Variants in NUP210 observed in about 807,000 individuals in gnomAD.
NUP210 encodes nuclear pore membrane glycoprotein 210.
Under a neutral mutation model 196.0 loss-of-function variants are expected in NUP210, and 151 were observed. That is an observed-to-expected ratio of 0.77 (90% CI 0.67 to 0.88). The LOEUF (loss-of-function observed/expected upper bound fraction) is 0.88, where lower values mean the gene tolerates loss of function less well. NUP210 is among the 40% of genes least tolerant of loss of function. The pLI, the probability that NUP210 is intolerant of heterozygous loss-of-function variation, is 0.00. For missense variants in NUP210, 2,314 were observed against 2,493.7 expected, an observed-to-expected ratio of 0.93 and a Z score of 1.53; for synonymous variants, 1,070 against 1,052.7, an observed-to-expected ratio of 1.02 and a Z score of -0.32.
chr3:13,350,275 CGT>C lies in NUP210; in HGVS notation c.2835+1602_2835+1603del, dbSNP rs529507681. Among the ~76,000 whole-genome samples, 221 of 151,770 alleles carry C rather than the reference CGT, an allele frequency of 1.5e-3. No homozygotes were observed. Among genetic ancestry groups the C allele is most frequent in the Non-Finnish European group, 2.4e-3 (165 of 67,962 alleles). On this transcript the variant is annotated intron_variant, in intron 20 of 39. Transcript: ENST00000254508. This position sits in a 1 kb window ranked among gnomAD's most constrained non-coding sequence, Gnocchi z 4.1. ...GCCTGTGTGTTTGTGTGTGTGTGCG[CGT>C]GTGTTTTTGTGTCTTCAGCAAAATA...
chr3:13,408,471 A>T (rs1700065301), intron 1 of NUP210, among the ~76,000 whole-genome samples: 2 of 152,200 alleles, frequency 1.3e-5, no homozygotes, highest in Admixed American at 6.5e-5. Flanking sequence ...AGACAAGGCC[A>T]TCTGGGCTTA....
chr3:13,322,302 G>A lies in NUP210; in HGVS notation c.4806C>T (p.Ala1602=). The change falls in exon 35 of 40, where the codon GCC becomes GCT. Residue 1602 remains alanine (A), a synonymous_variant. Coordinates refer to ENST00000254508, the MANE Select transcript of NUP210 (RefSeq NM_024923.4). ...AGCTGATGAGGGTCTCTGGGTGCAA[G>A]GCCTGGATGACTTCCCTCTGGGTGG... ...CTPTQREVIQ[A]LHPETLISCQ... is the part of the protein sequence containing the mutation. 1 of 1,614,252 alleles carries A rather than the reference G, an allele frequency of 6.2e-7. No individual in the cohort carries two copies. The highest frequency in any genetic ancestry group is 8.5e-7 in the Non-Finnish European group (1 of 1,180,038).
Position 13,347,354 on chromosome 3 carries a change from G to A in NUP210, c.2836-4051C>T. On this transcript the variant is annotated intron_variant, in intron 20 of 39. Transcript: ENST00000254508. This position sits in a 1 kb window ranked among gnomAD's most constrained non-coding sequence, Gnocchi z 4.7. ...TTCCCCTGCTCTGGTCATCTCATGG[G>A]TTCCGCCTAGAGGACTTGATTGAAA... is the stretch of plus-strand genomic sequence containing the variant. 1 of 984,434 alleles carries A rather than the reference G, an allele frequency of 1.0e-6. No homozygotes were observed. Among genetic ancestry groups the A allele is most frequent in the South Asian group, 4.7e-5 (1 of 21,268 alleles). 61.0% of individuals were successfully genotyped at this position (984,434 alleles called of 1,614,324 possible). A position where few individuals can be genotyped will look rare whatever the true frequency, so the allele number is the denominator to read the frequency against.
At chr3:13,369,230 G>T (rs1698643864) in intron 13 of NUP210, among the ~76,000 whole-genome samples, 1 of 152,078 alleles carries the variant, frequency 6.6e-6, no homozygotes, top group Non-Finnish European at 1.5e-5. Flanking sequence ...TATCAGCTTT[G>T]GACAAATATC....
intron 1 of NUP210, among the ~76,000 whole-genome samples, chr3:13,401,739 A>G (rs914552590): frequency 1.6e-4 from 25 of 152,158 alleles, no homozygotes; most frequent in African/African-American, 6.0e-4. Context: ...ACAAGCACAC[A>G]CAAGAGTGTG....
chr3:13,383,440 G>A (rs1294197465), intron 6 of NUP210, among the ~76,000 whole-genome samples: 5 of 151,606 alleles, frequency 3.3e-5, no homozygotes, highest in African/African-American at 1.2e-4. Flanking sequence ...CAGTGACCAA[G>A]CTCGTAAGTT....
rs1406095765 is a variant in NUP210, at chr3:13,350,430, G to T, written c.2835+1449C>A. 6.8e-6 allele frequency among the ~76,000 whole-genome samples: 1 copy of T among 146,708 alleles called. No homozygotes were observed. Among genetic ancestry groups the T allele is most frequent in the African/African-American group, 2.6e-5 (1 of 38,696 alleles). On this transcript the variant is annotated intron_variant, in intron 20 of 39. Coordinates refer to ENST00000254508, the MANE Select transcript of NUP210 (RefSeq NM_024923.4). The surrounding 1 kb of genome is among the most constrained non-coding windows in gnomAD (Gnocchi z 4.1). ...AATGTCCAGTTTCCAACAATTATAGGACATGAAAAAACAAAACAAAACAAA... is the reference window on the plus strand; with the variant it reads ...AATGTCCAGTTTCCAACAATTATAGTACATGAAAAAACAAAACAAAACAAA...
chr3:13,377,704 CCACCTGCAGGCCCCACACCACT>C, intron 8 of NUP210, 142 bp from the exon 9 acceptor site: 1 of 581,502 alleles, frequency 1.7e-6, no homozygotes, highest in South Asian at 2.0e-5. Flanking sequence ...CCCACACCAC[CCACCTGCAGGCCCCACACCACT>C]TACCTGGAGG....
At chr3:13,419,955 C>T in intron 1 of NUP210, 105 bp downstream of exon 1, 1 of 725,330 alleles carries the variant, frequency 1.4e-6, no homozygotes, top group Non-Finnish European at 1.7e-6. Flanking sequence ...CGAGAGCGCG[C>T]CGCGCACCTG....
chr3:13,409,312 G>A (rs773696714), intron 1 of NUP210, among the ~76,000 whole-genome samples: 4 of 152,206 alleles, frequency 2.6e-5, no homozygotes, highest in South Asian at 2.1e-4. Context: ...CTTTTGGTGC[G>A]TGATTAGGTC....
intron 10 of NUP210, among the ~76,000 whole-genome samples, chr3:13,375,878 G>C (rs1430233487): frequency 8.1e-6 from 1 of 123,086 alleles, no homozygotes; most frequent in African/African-American, 3.0e-5. Context: ...CAGCAGGATG[G>C]ATGTGGTGTC....
Position 13,350,447 on chromosome 3 carries a change from C to T in NUP210, c.2835+1432G>A, listed in dbSNP as rs954015163. 2.7e-5 allele frequency among the ~76,000 whole-genome samples: 3 copies of T among 110,278 alleles called. No individual in the cohort carries two copies. Among genetic ancestry groups the T allele is most frequent in the East Asian group, 4.0e-4 (2 of 5,020 alleles). The allele number at this position is 110,278 out of a possible 152,430, so 72.3% of individuals were successfully genotyped here. ...AATTATAGGACATGAAAAAACAAAA[C>T]AAAACAAAACAAAACAAAACAAAAC... On this transcript the variant is annotated intron_variant, in intron 20 of 39. Coordinates refer to ENST00000254508, the MANE Select transcript of NUP210 (RefSeq NM_024923.4). The surrounding 1 kb of genome is among the most constrained non-coding windows in gnomAD (Gnocchi z 4.1).
At position 13,347,470 on chromosome 3, in the gene NUP210, T is replaced by C; in HGVS notation, c.2836-4167A>G. ...CCAGCCGAAAACAAAATAAAGGCCC[T>C]TACAGAGCGTTCTGGGGCTGTGTGA... On this transcript the variant is annotated intron_variant, in intron 20 of 39. Coordinates refer to ENST00000254508, the MANE Select transcript of NUP210 (RefSeq NM_024923.4). This position sits in a 1 kb window ranked among gnomAD's most constrained non-coding sequence, Gnocchi z 4.7. 1 of 317,156 alleles carries C rather than the reference T, an allele frequency of 3.2e-6. No homozygotes were observed. The highest frequency in any genetic ancestry group is 1.5e-3 in the Middle Eastern group (1 of 652). 19.6% of individuals were successfully genotyped at this position (317,156 alleles called of 1,614,324 possible).
chr3:13,419,977 G>T (rs1156436094), intron 1 of NUP210, 83 bp downstream of exon 1: 5 of 944,604 alleles, frequency 5.3e-6, no homozygotes, highest in Non-Finnish European at 6.5e-6. Context: ...CGGCTCTGCC[G>T]GCCTCCCGGC....
At chr3:13,380,609 A>C (rs1699069113) in intron 6 of NUP210, among the ~76,000 whole-genome samples, 2 of 152,184 alleles carry the variant, frequency 1.3e-5, no homozygotes, top group African/African-American at 4.8e-5. Context: ...CCAGTCACCC[A>C]TTCACTGTCC....
chr3:13,413,190 G>A (rs929830460), intron 1 of NUP210, among the ~76,000 whole-genome samples: 6 of 149,336 alleles, frequency 4.0e-5, no homozygotes, highest in Non-Finnish European at 5.9e-5. Context: ...GCTTGAGGCC[G>A]GGCGCGGTGG....
intron 1 of NUP210, among the ~76,000 whole-genome samples, chr3:13,401,985 A>G (rs1699854012): frequency 6.6e-6 from 1 of 152,142 alleles, no homozygotes; most frequent in Admixed American, 6.5e-5. Flanking sequence ...ATTTGAGCCC[A>G]AAAGTTCAAG....
At position 13,360,420 on chromosome 3, in the gene NUP210, G is replaced by C. The variant is rs946563093; in HGVS notation, c.2004C>G (p.Pro668=). 1 of 1,614,002 alleles carries C rather than the reference G, an allele frequency of 6.2e-7. No individual in the cohort carries two copies. Among genetic ancestry groups the C allele is most frequent in the African/African-American group, 1.3e-5 (1 of 75,054 alleles). ...TGGACGGCTCGAGGATCCAAGGTCT[G>C]GGACCTCCTTCAAACAGCATCTCCT... ...SSKEMLFEGG[P]RPWILEPSKF... The change falls in exon 15 of 40, where the codon CCC becomes CCG. Residue 668 remains proline (P), a synonymous_variant. Transcript: ENST00000254508.
intron 30 of NUP210, 60 bp downstream of exon 30, chr3:13,330,400 G>A (rs1425596723): frequency 1.3e-6 from 2 of 1,486,074 alleles, no homozygotes; most frequent in South Asian, 1.2e-5. Context: ...CACCTGAGAG[G>A]CATATTACCT....
Sources: gnomAD v4.1 joint callset for allele counts (sites outside exome capture counted in the v4.1 genomes callset) on GRCh38, gnomAD v4.1.1 for gene constraint, Gnocchi (gnomAD v3.1) non-coding constraint, MANE v1.5 for transcripts, NCBI Gene and HGNC (gene_info 2026-07-23, HGNC 2026-07-21) for gene names.